The following LIN28B variants were observed in gnomAD, a reference collection of about 807,000 sequenced individuals.
The protein encoded by LIN28B is protein lin-28 homolog B.
A neutral mutation model predicts 21.9 loss-of-function variants in LIN28B; 5 were observed. The observed-to-expected ratio is 0.23, with a 90% CI of 0.12 to 0.48. LIN28B has a LOEUF of 0.48. LIN28B is among the 20% of genes least tolerant of loss of function. LIN28B has a pLI of 0.98. For synonymous variants in LIN28B, 109 were observed against 111.3 expected (o/e 0.98, Z 0.13); for missense variants, 245 against 310.5 (o/e 0.79, Z 1.58).
At chr6:104,990,694 G>C (rs1380170057) in intron 2 of LIN28B, among the ~76,000 whole-genome samples, 1 of 152,022 alleles carries the variant, frequency 6.6e-6, no homozygotes, top group Admixed American at 6.5e-5. Flanking sequence ...GGTTTTCCTA[G>C]GCAGAGGACC....
chr6:104,962,191 A>G (rs1769761101), intron 2 of LIN28B, among the ~76,000 whole-genome samples: 1 of 152,142 alleles, frequency 6.6e-6, no homozygotes, highest in Non-Finnish European at 1.5e-5. Flanking sequence ...GCCATCAAAT[A>G]TGATACAATT....
intron 2 of LIN28B, among the ~76,000 whole-genome samples, chr6:104,948,394 G>A (rs138835296): frequency 0.022 from 3,287 of 152,258 alleles, 124 homozygotes; most frequent in African/African-American, 0.076. Context: ...TTAAACCCAG[G>A]AGGCAGAGGT....
intron 3 of LIN28B, among the ~76,000 whole-genome samples, chr6:105,071,023 C>G (rs573828402): frequency 6.6e-6 from 1 of 152,160 alleles, no homozygotes; most frequent in South Asian, 2.1e-4. Flanking sequence ...ATTATAGGCA[C>G]GCACTACCAT....
chr6:105,025,687 C>A (rs1347810563), intron 2 of LIN28B, among the ~76,000 whole-genome samples: 1 of 152,080 alleles, frequency 6.6e-6, no homozygotes, highest in Non-Finnish European at 1.5e-5. Context: ...AAGGCTGAGG[C>A]TAGAAAATCC....
chr6:104,939,461 AT>A, intron 2 of LIN28B: 1 of 152,254 alleles, frequency 6.6e-6, no homozygotes, highest in South Asian at 2.1e-4. Flanking sequence ...TCACAACAGG[AT>A]TTTGCTTCTG....
At chr6:105,014,181 T>C (rs1448723222) in intron 2 of LIN28B, among the ~76,000 whole-genome samples, 1 of 152,154 alleles carries the variant, frequency 6.6e-6, no homozygotes, top group Non-Finnish European at 1.5e-5. Context: ...AGAATCTCAC[T>C]CTGTGGCCCA....
chr6:104,992,504 GTGTGTGTGTGTT>G (rs1350426221), intron 2 of LIN28B, among the ~76,000 whole-genome samples: 1 of 109,554 alleles, frequency 9.1e-6, no homozygotes, highest in Non-Finnish European at 2.0e-5. Flanking sequence ...GTGTGTGTGT[GTGTGTGTGTGTT>G]TTTTTTTTAA....
At chr6:104,939,567 A>G (rs1047394798) in intron 2 of LIN28B, 1 of 152,202 alleles carries the variant, frequency 6.6e-6, no homozygotes, top group East Asian at 1.9e-4. Context: ...CTTAATCCCA[A>G]TCCAGAAATT....
intron 3 of LIN28B, among the ~76,000 whole-genome samples, chr6:104,951,906 T>A (rs1373090252): frequency 6.6e-6 from 1 of 152,166 alleles, no homozygotes; most frequent in Non-Finnish European, 1.5e-5. Context: ...TAGCTGGGCT[T>A]TTTCTCCACA....
chr6:104,970,146 A>G (rs1228812427), intron 2 of LIN28B, among the ~76,000 whole-genome samples: 1 of 152,216 alleles, frequency 6.6e-6, no homozygotes, highest in South Asian at 2.1e-4. Context: ...TTGTCCCTGA[A>G]GAATTTTCTA....
In LIN28B at chr6:105,079,053, G is replaced by A; in HGVS notation, c.*270G>A. 1 of 348,856 alleles carries A rather than the reference G, an allele frequency of 2.9e-6. No individual in the cohort carries two copies. Among genetic ancestry groups the A allele is most frequent in the Non-Finnish European group, 5.2e-6 (1 of 191,570 alleles). The allele number at this position is 348,856 out of a possible 1,614,324, so 21.6% of individuals were successfully genotyped here. On this transcript the variant is annotated 3_prime_UTR_variant, in exon 4 of 4. Coordinates refer to ENST00000345080, the MANE Select transcript of LIN28B (RefSeq NM_001004317.4). ...GCCTGAGTCTGTGTGTGTACATGAG[G>A]ATTTTTATATAGGAATGTAGACACA...
intron 2 of LIN28B, among the ~76,000 whole-genome samples, chr6:104,995,800 A>G (rs1031033904): frequency 3.9e-5 from 6 of 152,232 alleles, no homozygotes; most frequent in South Asian, 4.1e-4. Flanking sequence ...ATGTAATAAG[A>G]ACTGTAAAAA....
intron 2 of LIN28B, among the ~76,000 whole-genome samples, chr6:104,947,880 A>G (rs1778175403): frequency 6.6e-6 from 1 of 152,016 alleles, no homozygotes; most frequent in Admixed American, 6.6e-5. Flanking sequence ...TGCCAGAATT[A>G]TAATAATGAG....
chr6:104,971,630 G>A (rs1373576727), intron 2 of LIN28B, among the ~76,000 whole-genome samples: 1 of 152,070 alleles, frequency 6.6e-6, no homozygotes, highest in African/African-American at 2.4e-5. Context: ...ACTAGGATCA[G>A]GTATGAAGTC....
intron 2 of LIN28B, among the ~76,000 whole-genome samples, chr6:105,009,297 CTTTAAAAATATA>C (rs982162583): frequency 1.3e-5 from 2 of 152,072 alleles, no homozygotes; most frequent in Non-Finnish European, 2.9e-5. Flanking sequence ...TTTTAAGATA[CTTTAAAAATATA>C]TTTAAAAATA....
At chr6:104,961,035 G>T (rs1769728948) in intron 2 of LIN28B, among the ~76,000 whole-genome samples, 1 of 152,082 alleles carries the variant, frequency 6.6e-6, no homozygotes, top group Non-Finnish European at 1.5e-5. Flanking sequence ...TTTGAGGATG[G>T]TATGTAACCA....
intron 2 of LIN28B, among the ~76,000 whole-genome samples, chr6:105,020,664 T>A (rs997619451): frequency 2.0e-5 from 3 of 151,724 alleles, no homozygotes; most frequent in African/African-American, 7.3e-5. Context: ...TGTGCCAGAA[T>A]GAATTTTAAA....
At chr6:105,009,747 A>G (rs1374440555) in intron 2 of LIN28B, among the ~76,000 whole-genome samples, 2 of 152,184 alleles carry the variant, frequency 1.3e-5, no homozygotes, top group East Asian at 3.8e-4. Flanking sequence ...AAAGGAAAGC[A>G]GGGTCTCTAT....
At chr6:105,027,702 A>T (rs1771316857) in intron 3 of LIN28B, among the ~76,000 whole-genome samples, 1 of 152,084 alleles carries the variant, frequency 6.6e-6, no homozygotes, top group African/African-American at 2.4e-5. Context: ...CAAACTACAA[A>T]ATTAAAAATA....
Sources: gnomAD v4.1 joint callset for allele counts (sites outside exome capture counted in the v4.1 genomes callset) on GRCh38, gnomAD v4.1.1 for gene constraint, MANE v1.5 for transcripts, NCBI Gene and HGNC (gene_info 2026-07-23, HGNC 2026-07-21) for gene names.